Variants in MAST3 observed in about 807,000 individuals in gnomAD.
MAST3 encodes microtubule-associated serine/threonine-protein kinase 3.
In MAST3, 43 loss-of-function variants were observed where a neutral mutation model predicts 127.0. That is an observed-to-expected ratio of 0.34 (90% confidence interval 0.27 to 0.44). The LOEUF (loss-of-function observed/expected upper bound fraction) is 0.44, where lower values mean the gene tolerates loss of function less well. Ranked by LOEUF, MAST3 falls within the 20% of genes least tolerant of loss-of-function variation. MAST3 has a pLI of 1.00. For missense variants in MAST3, 1,390 were observed against 1,919.1 expected (o/e 0.72, Z 5.15); for synonymous variants, 785 against 809.2 (o/e 0.97, Z 0.51).
In MAST3 at chr19:18,112,574, A is replaced by T. The variant is rs992530930; in HGVS notation, c.161+1833A>T. Among the ~76,000 whole-genome samples, 1 of 152,150 alleles carries T rather than the reference A, an allele frequency of 6.6e-6. No homozygotes were observed. Among genetic ancestry groups the T allele is most frequent in the African/African-American group, 2.4e-5 (1 of 41,430 alleles). ...GGTCTCGAGCTCCCGACCTCAAGTG[A>T]TTCTCCCGCCTTGGCCTCTCAAAGT... On this transcript the variant is annotated intron_variant, in intron 3 of 27. Coordinates refer to ENST00000687212, the MANE Select transcript of MAST3 (RefSeq NM_001393504.1). The surrounding 1 kb of genome is among the most constrained non-coding windows in gnomAD (Gnocchi z 4.1).
Position 18,149,561 on chromosome 19 carries a change from C to A in MAST3, c.3879C>A (p.His1293Gln), listed in dbSNP as rs200891490. ...AGCTCGTGGTCATGCGGCGGCTGCA[C>A]CTGTCCGAGCGCCGAGACTCCTTCA... is the stretch of plus-strand genomic sequence containing the variant. The part of the protein sequence containing the change: ...EAELVVMRRL[H>Q]LSERRDSFKK... The change falls in exon 28 of 28, where the codon CAC (histidine) becomes CAA (glutamine). Residue 1293 changes from histidine to glutamine, a missense_variant. His to Gln is a conservative substitution (Grantham distance 24). Coordinates refer to ENST00000687212, the MANE Select transcript of MAST3 (RefSeq NM_001393504.1). The surrounding 1 kb of genome is among the most constrained non-coding windows in gnomAD (Gnocchi z 5.9). 1.3e-6 allele frequency: 2 copies of A among 1,588,030 alleles called. No individual in the cohort carries two copies. Among genetic ancestry groups the A allele is most frequent in the Non-Finnish European group, 1.7e-6 (2 of 1,168,380 alleles).
At position 18,131,979 on chromosome 19, in the gene MAST3, C is replaced by T. The variant is rs777713366; in HGVS notation, c.1503C>T (p.Ala501=). ...TGGACATGGCCCGCCTGTACTTCGC[C>T]GAGACGGTGTTGGCGCTGGAGTACC... ...LPVDMARLYF[A]ETVLALEYLH... The change falls in exon 15 of 28, where the codon GCC becomes GCT. Residue 501 remains alanine, a synonymous_variant. Transcript: ENST00000687212. 2.5e-6 allele frequency: 4 copies of T among 1,614,014 alleles called. No individual in the cohort carries two copies. Among genetic ancestry groups the T allele is most frequent in the East Asian group, 2.2e-5 (1 of 44,890 alleles).
chr19:18,125,699 C>G (rs1236555686), intron 11 of MAST3, among the ~76,000 whole-genome samples: 2 of 148,824 alleles, frequency 1.3e-5, no homozygotes. Context: ...CGAGATCACA[C>G]CACTTCATTC....
At chr19:18,147,344 C>A in intron 26 of MAST3, 99 bp from the exon 27 acceptor site, 1 of 1,050,856 alleles carries the variant, frequency 9.5e-7, no homozygotes, top group Non-Finnish European at 1.4e-6. Flanking sequence ...CTTAAATGAT[C>A]CATCTGCCTC....
chr19:18,109,913 C>T, intron 2 of MAST3: 2 of 982,492 alleles, frequency 2.0e-6, no homozygotes, highest in Non-Finnish European at 2.4e-6. Context: ...GGGCAGAGGC[C>T]GGGCCGGGGC....
chr19:18,127,465 C>T (rs1350510855), intron 11 of MAST3, among the ~76,000 whole-genome samples: 3 of 152,150 alleles, frequency 2.0e-5, no homozygotes, highest in African/African-American at 7.2e-5. Context: ...AGGCGGATTA[C>T]CTGAGGTCAG....
chr19:18,121,782 GGGA>G lies in MAST3; in HGVS notation c.250+11_250+13del. 1 of 1,613,990 alleles carries G rather than the reference GGGA, an allele frequency of 6.2e-7. No homozygotes were observed. Among genetic ancestry groups the G allele is most frequent in the Non-Finnish European group, 8.5e-7 (1 of 1,179,880 alleles). On this transcript the variant is annotated intron_variant, in intron 4 of 27. Transcript: ENST00000687212. ...ATTGTCGGTCCCAACGGGTGAGTGTGGGAGCAGCCAGCGGGTGCTGTGTCCTGC... is the reference window on the plus strand; with the variant it reads ...ATTGTCGGTCCCAACGGGTGAGTGTGGCAGCCAGCGGGTGCTGTGTCCTGC...
rs375871256 is a variant in MAST3 at position 18,145,855 on chromosome 19, T to G, written c.3152T>G (p.Leu1051Arg). 2.2e-5 allele frequency: 35 copies of G among 1,595,566 alleles called. No homozygotes were observed. The highest frequency in any genetic ancestry group is 2.8e-5 in the Non-Finnish European group (33 of 1,172,624). The change falls in exon 25 of 28, where the codon CTG (leucine) becomes CGG (arginine). Residue 1051 changes from leucine (L) to arginine (R), a missense_variant. Coordinates refer to ENST00000687212, the MANE Select transcript of MAST3 (RefSeq NM_001393504.1). This position sits in a 1 kb window ranked among gnomAD's most constrained non-coding sequence, Gnocchi z 5.9. ...CTGGTGCACATGGACGTCGTGGAGC[T>G]GCTGCTGAAGGTGCGGCACCCCCAC... Reference protein sequence around the residue: ...LGLVHMDVVELLLKSGNKISL... With the variant: ...LGLVHMDVVERLLKSGNKISL...
intron 25 of MAST3, among the ~76,000 whole-genome samples, chr19:18,146,114 C>G (rs1379112767): frequency 6.6e-6 from 1 of 152,122 alleles, no homozygotes; most frequent in Non-Finnish European, 1.5e-5. Context: ...CTCCCTCTGG[C>G]CTGAGGCCTG....
intron 3 of MAST3, among the ~76,000 whole-genome samples, chr19:18,120,018 G>C (rs1053117777): frequency 2.0e-5 from 3 of 152,186 alleles, no homozygotes; most frequent in Admixed American, 2.0e-4. Context: ...TGGGGCGGGG[G>C]ACGGTGTCGC....
intron 6 of MAST3, 63 bp downstream of exon 6, chr19:18,122,814 TTGTG>T (rs1262369685): frequency 4.0e-6 from 6 of 1,504,390 alleles, no homozygotes; most frequent in Non-Finnish European, 5.5e-6. Flanking sequence ...GGACACATCT[TTGTG>T]TGTTTTTTTC....
At chr19:18,114,824 C>CAGG in intron 3 of MAST3, among the ~76,000 whole-genome samples, 1 of 152,048 alleles carries the variant, frequency 6.6e-6, no homozygotes, top group African/African-American at 2.4e-5. Context: ...CCTCAAATCC[C>CAGG]AAGGGCAGGA....
Position 18,134,642 on chromosome 19 carries a change from C to T in MAST3, c.1635C>T (p.Leu545=). 2 of 1,613,554 alleles carry T rather than the reference C, an allele frequency of 1.2e-6. No individual in the cohort carries two copies. The highest frequency in any genetic ancestry group is 1.7e-6 in the Non-Finnish European group (2 of 1,179,726). The change falls in exon 16 of 28, where the codon CTC becomes CTT. Residue 545 remains leucine (L), a synonymous_variant. Coordinates refer to ENST00000687212, the MANE Select transcript of MAST3 (RefSeq NM_001393504.1). ...LTDFGLSKIG[L]MSMATNLYEG... is the part of the protein sequence containing the mutation. ...ACTTCGGCCTGTCCAAGATCGGCCTCATGAGCATGGCCACCAACCTCTATG... is the reference window on the plus strand; with the variant it reads ...ACTTCGGCCTGTCCAAGATCGGCCTTATGAGCATGGCCACCAACCTCTATG...
intron 21 of MAST3, among the ~76,000 whole-genome samples, chr19:18,143,097 G>C (rs1395698123): frequency 7.2e-6 from 1 of 138,634 alleles, no homozygotes; most frequent in Non-Finnish European, 1.5e-5. Context: ...GGGTGACAGA[G>C]CGAGACTCTG....
rs1479807270 is a variant in MAST3 at position 18,131,642 on chromosome 19, T to G, written c.1433-267T>G. ...TGAACCCGGGAGGCGGAGGTTGCAG[T>G]GAGCCGAGATCGCGCCACTGCACTC... On this transcript the variant is annotated intron_variant, in intron 14 of 27. Coordinates refer to ENST00000687212, the MANE Select transcript of MAST3 (RefSeq NM_001393504.1). 1.4e-5 allele frequency among the ~76,000 whole-genome samples: 2 copies of G among 147,942 alleles called. 1 individual carries two copies. Among genetic ancestry groups the G allele is most frequent in the Admixed American group, 1.3e-4 (2 of 14,890 alleles).
intron 19 of MAST3, 97 bp downstream of exon 19, chr19:18,137,458 T>G: frequency 7.3e-7 from 1 of 1,370,792 alleles, no homozygotes. Context: ...CCACCCGAGC[T>G]TGGCACCTCA....
At chr19:18,122,802 G>T in intron 6 of MAST3, 51 bp downstream of exon 6, 1 of 1,554,174 alleles carries the variant, frequency 6.4e-7, no homozygotes, top group East Asian at 2.3e-5. Context: ...CGGGTTGTGG[G>T]GGGACACATC....
At chr19:18,100,228 A>G (rs2037477844) in intron 1 of MAST3, among the ~76,000 whole-genome samples, 1 of 151,198 alleles carries the variant, frequency 6.6e-6, no homozygotes, top group African/African-American at 2.4e-5. Flanking sequence ...GGGTTCAAGT[A>G]ATTCTCCCTG....
At chr19:18,113,292 C>G (rs906294914) in intron 3 of MAST3, among the ~76,000 whole-genome samples, 1 of 151,862 alleles carries the variant, frequency 6.6e-6, no homozygotes, top group Admixed American at 6.6e-5. Context: ...TCCCCTGCCT[C>G]CTTTTTTTTT....
Sources: gnomAD v4.1 joint callset for allele counts (sites outside exome capture counted in the v4.1 genomes callset) on GRCh38, gnomAD v4.1.1 for gene constraint, Gnocchi (gnomAD v3.1) non-coding constraint, MANE v1.5 for transcripts, NCBI Gene and HGNC (gene_info 2026-07-23, HGNC 2026-07-21) for gene names.